The following SORCS1 variants were observed in gnomAD, a reference collection of about 807,000 sequenced individuals.
SORCS1 encodes the protein VPS10 domain-containing receptor SorCS1.
Under a neutral mutation model 146.1 loss-of-function variants are expected in SORCS1, and 60 were observed. That is an observed-to-expected ratio of 0.41 (90% CI 0.33 to 0.51). The LOEUF (loss-of-function observed/expected upper bound fraction) is 0.51, where lower values mean the gene tolerates loss of function less well. SORCS1 is among the 20% of genes least tolerant of loss of function. The pLI, the probability that SORCS1 is intolerant of heterozygous loss-of-function variation, is 0.21. For missense variants in SORCS1, 1,352 were observed against 1,487.6 expected, an observed-to-expected ratio of 0.91 and a Z score of 1.50; for synonymous variants, 637 against 584.0, an observed-to-expected ratio of 1.09 and a Z score of -1.31.
At chr10:106,939,611 T>C (rs1174456836) in intron 2 of SORCS1, among the ~76,000 whole-genome samples, 1 of 152,166 alleles carries the variant, frequency 6.6e-6, no homozygotes, top group Admixed American at 6.5e-5. Context: ...CAATCACAGA[T>C]TGTTTGAAGC....
intron 1 of SORCS1, among the ~76,000 whole-genome samples, chr10:107,030,386 T>C (rs1958596056): frequency 6.6e-6 from 1 of 152,216 alleles, no homozygotes; most frequent in African/African-American, 2.4e-5. Context: ...TTAAATATCT[T>C]GTCTGAGGTC....
intron 1 of SORCS1, among the ~76,000 whole-genome samples, chr10:106,966,748 C>T (rs944876975): frequency 6.6e-6 from 1 of 152,172 alleles, no homozygotes; most frequent in Non-Finnish European, 1.5e-5. Flanking sequence ...TCATTTGTAG[C>T]TAAGACATAA....
chr10:106,839,904 T>C (rs760322156), intron 2 of SORCS1, among the ~76,000 whole-genome samples: 2 of 152,188 alleles, frequency 1.3e-5, no homozygotes, highest in Admixed American at 6.5e-5. Flanking sequence ...CAGCATGGCT[T>C]ATTGGATATT....
At chr10:106,996,190 G>A (rs1294887179) in intron 1 of SORCS1, among the ~76,000 whole-genome samples, 1 of 143,060 alleles carries the variant, frequency 7.0e-6, no homozygotes, top group Admixed American at 7.4e-5. Flanking sequence ...CTGCGCCACT[G>A]TACTCCAGCC....
At chr10:107,087,015 G>A (rs550778673) in intron 1 of SORCS1, among the ~76,000 whole-genome samples, 13 of 152,332 alleles carry the variant, frequency 8.5e-5, no homozygotes, top group Admixed American at 7.2e-4. Flanking sequence ...GCAACAGAGC[G>A]TGACTTCGTC....
At chr10:106,798,327 T>C (rs1016365944) in intron 3 of SORCS1, among the ~76,000 whole-genome samples, 27 of 152,244 alleles carry the variant, frequency 1.8e-4, no homozygotes, top group Non-Finnish European at 3.1e-4. Flanking sequence ...CTATGGTACA[T>C]GTGCACAACG....
chr10:106,697,577 C>T (rs1464202891), intron 9 of SORCS1, among the ~76,000 whole-genome samples: 1 of 150,994 alleles, frequency 6.6e-6, no homozygotes, highest in Non-Finnish European at 1.5e-5. Flanking sequence ...TGGGCATTTA[C>T]ACAATGCAGG....
chr10:106,811,591 T>G (rs1240546745), intron 3 of SORCS1, among the ~76,000 whole-genome samples: 2 of 152,192 alleles, frequency 1.3e-5, no homozygotes, highest in East Asian at 1.9e-4. Flanking sequence ...ACCTCAGTAG[T>G]AATTTAGGCA....
At chr10:106,656,384 A>T (rs1196747422) in intron 17 of SORCS1, among the ~76,000 whole-genome samples, 1 of 152,112 alleles carries the variant, frequency 6.6e-6, no homozygotes, top group Non-Finnish European at 1.5e-5. Context: ...CCTTGTCTCT[A>T]CTAAAAATAC....
At chr10:107,105,716 T>A (rs910008561) in intron 1 of SORCS1, among the ~76,000 whole-genome samples, 2 of 149,898 alleles carry the variant, frequency 1.3e-5, no homozygotes, top group Non-Finnish European at 3.0e-5. Context: ...GATTAGATGA[T>A]GCCCACCCAG....
chr10:106,940,349 G>A (rs138967736), intron 2 of SORCS1, among the ~76,000 whole-genome samples: 2 of 152,230 alleles, frequency 1.3e-5, no homozygotes, highest in East Asian at 3.9e-4. Context: ...TTAACTTGGC[G>A]CTTCTTGTTA....
At chr10:107,031,758 C>A (rs1958668741) in intron 1 of SORCS1, among the ~76,000 whole-genome samples, 1 of 152,118 alleles carries the variant, frequency 6.6e-6, no homozygotes, top group African/African-American at 2.4e-5. Context: ...CAGGAATAAG[C>A]CACCATGCCT....
At chr10:107,028,026 T>C (rs1958483680) in intron 1 of SORCS1, among the ~76,000 whole-genome samples, 1 of 152,204 alleles carries the variant, frequency 6.6e-6, no homozygotes, top group South Asian at 2.1e-4. Flanking sequence ...AATGGTTATT[T>C]TATCAAAGAA....
intron 1 of SORCS1, among the ~76,000 whole-genome samples, chr10:107,065,501 TCCTC>T (rs1564992451): frequency 2.0e-4 from 18 of 90,124 alleles, no homozygotes; most frequent in African/African-American, 8.5e-4. Flanking sequence ...TCCTCTCCTC[TCCTC>T]TCCTCTCTTT....
intron 14 of SORCS1, among the ~76,000 whole-genome samples, chr10:106,673,432 G>A (rs1211072367): frequency 2.0e-5 from 3 of 152,092 alleles, no homozygotes; most frequent in African/African-American, 7.2e-5. Context: ...ACTTGGCCGA[G>A]GAGGGTACTA....
chr10:106,879,128 C>T lies in SORCS1; in HGVS notation c.627-49455G>A, dbSNP rs937093677. On this transcript the variant is annotated intron_variant, in intron 2 of 25. Coordinates refer to ENST00000263054, the MANE Select transcript of SORCS1 (RefSeq NM_052918.5). ...TGGCACCACTGCACTCCAGCCTGGG[C>T]GACAGAGTGAGACTCCATCAAAAAA... 4.9e-5 allele frequency among the ~76,000 whole-genome samples: 7 copies of T among 142,998 alleles called. No homozygotes were observed. In the South Asian group the frequency reaches 8.9e-4, roughly 18 times the overall value. The allele number at this position is 142,998 out of a possible 152,430, so 93.8% of individuals were successfully genotyped here.
Position 106,672,773 on chromosome 10 carries a change from A to G in SORCS1, c.2058+95T>C, listed in dbSNP as rs1293050486. On this transcript the variant is annotated intron_variant, in intron 15 of 25. Coordinates refer to ENST00000263054, the MANE Select transcript of SORCS1 (RefSeq NM_052918.5). ...AAACAGTAGATGGACATTTTGGCCT[A>G]GAGCATCCTAGTTCCTATACCTTAG... 5.1e-6 allele frequency: 5 copies of G among 983,706 alleles called. No individual in the cohort carries two copies. In the East Asian group the frequency reaches 9.6e-5, roughly 19 times the overall value. 60.9% of individuals were successfully genotyped at this position (983,706 alleles called of 1,614,324 possible).
chr10:107,040,056 A>G (rs938333551), intron 1 of SORCS1, among the ~76,000 whole-genome samples: 1 of 152,132 alleles, frequency 6.6e-6, no homozygotes, highest in South Asian at 2.1e-4. Context: ...TGAGACCCCA[A>G]CTCTAATAAA....
intron 1 of SORCS1, among the ~76,000 whole-genome samples, chr10:107,001,355 C>T (rs962408229): frequency 1.3e-5 from 2 of 151,994 alleles, no homozygotes; most frequent in African/African-American, 2.4e-5. Context: ...GGATGAGGCA[C>T]GTTTCAGACC....
Sources: gnomAD v4.1 joint callset for allele counts (sites outside exome capture counted in the v4.1 genomes callset) on GRCh38, gnomAD v4.1.1 for gene constraint, MANE v1.5 for transcripts, NCBI Gene and HGNC (gene_info 2026-07-23, HGNC 2026-07-21) for gene names.